CFAP20DC: variants seen among roughly 807,000 people sequenced by gnomAD.
CFAP20DC encodes protein CFAP20DC.
In CFAP20DC, 84 loss-of-function variants were observed where a neutral mutation model predicts 101.7. The ratio of observed to expected loss-of-function variants is 0.83; its 90% confidence interval spans 0.69 to 0.99. The LOEUF (loss-of-function observed/expected upper bound fraction) is 0.99. Among genes scored for constraint, CFAP20DC ranks in the 50% least tolerant of loss-of-function variants. The pLI is 0.00. For synonymous variants in CFAP20DC, 359 were observed against 351.2 expected (o/e 1.02, Z -0.25); for missense variants, 1,007 against 970.3 (o/e 1.04, Z -0.50).
chr3:58,784,965 G>C (rs2072188116), intron 15 of CFAP20DC, among the ~76,000 whole-genome samples: 1 of 152,034 alleles, frequency 6.6e-6, no homozygotes, highest in Non-Finnish European at 1.5e-5. Context: ...GTATATCAAA[G>C]GGATACCTGC....
At chr3:58,951,455 C>G (rs1016682127) in intron 4 of CFAP20DC, among the ~76,000 whole-genome samples, 1 of 152,136 alleles carries the variant, frequency 6.6e-6, no homozygotes, top group Non-Finnish European at 1.5e-5. Flanking sequence ...GACACATGCA[C>G]ACGTATGTTT....
intron 15 of CFAP20DC, among the ~76,000 whole-genome samples, chr3:58,772,792 A>T (rs944850988): frequency 6.6e-6 from 1 of 152,176 alleles, no homozygotes; most frequent in Admixed American, 6.5e-5. Context: ...AAATCCAAAA[A>T]ATTTAAAAAA....
intron 6 of CFAP20DC, among the ~76,000 whole-genome samples, chr3:58,889,457 T>G (rs1016863103): frequency 1.3e-5 from 2 of 152,012 alleles, no homozygotes; most frequent in Non-Finnish European, 2.9e-5. Flanking sequence ...ACAACCCCCA[T>G]GCAAACAGAA....
intron 14 of CFAP20DC, among the ~76,000 whole-genome samples, chr3:58,810,424 A>G (rs1575710299): frequency 6.6e-6 from 1 of 152,222 alleles, no homozygotes; most frequent in Non-Finnish European, 1.5e-5. Flanking sequence ...AATGTAATCC[A>G]GCATATAAAC....
rs1553702794 is a variant in CFAP20DC at position 58,869,679 on chromosome 3, TA to T, written c.853-190del. ...AAATGGAAGGAGAAAAATAACGAGATAAAATAGAAGACATGCAAGTCTCCTA... is the reference window on the plus strand; with the variant it reads ...AAATGGAAGGAGAAAAATAACGAGATAAATAGAAGACATGCAAGTCTCCTA... On this transcript the variant is annotated intron_variant, in intron 8 of 16. Transcript: ENST00000482387. The surrounding 1 kb of genome is among the most constrained non-coding windows in gnomAD (Gnocchi z 4.3). Among the ~76,000 whole-genome samples, 2 of 152,214 alleles carry T rather than the reference TA, an allele frequency of 1.3e-5. No homozygotes were observed. Among genetic ancestry groups the T allele is most frequent in the Non-Finnish European group, 1.5e-5 (1 of 67,990 alleles).
Position 58,806,396 on chromosome 3 carries a change from G to T in CFAP20DC, c.2236C>A (p.Arg746=). The change falls in exon 15 of 17, where the codon CGG becomes AGG. Residue 746 remains arginine (R), a splice_region_variant and synonymous_variant. Transcript: ENST00000482387. ...ATGTAGATTATTAATGATTCTTACC[G>T]GGGATTAGAAGGAGAAGGTGGGTTC... is the stretch of plus-strand genomic sequence containing the variant. ...EMNPPSPSNP[R]DWLNMLSPPI... is the part of the protein sequence containing the mutation. 1.9e-6 allele frequency: 3 copies of T among 1,584,158 alleles called. No individual in the cohort carries two copies. Among genetic ancestry groups the T allele is most frequent in the Middle Eastern group, 1.7e-4 (1 of 6,002 alleles).
At chr3:58,733,836 G>A (rs768522337) in intron 3 of CFAP20DC, among the ~76,000 whole-genome samples, 6 of 152,162 alleles carry the variant, frequency 3.9e-5, no homozygotes, top group Non-Finnish European at 5.9e-5. Flanking sequence ...ACAACTTATT[G>A]CATGAAACTA....
At chr3:58,883,780 T>C (rs897740714) in intron 7 of CFAP20DC, among the ~76,000 whole-genome samples, 14 of 152,150 alleles carry the variant, frequency 9.2e-5, no homozygotes, top group African/African-American at 2.4e-4. Context: ...CCCTGGGGCA[T>C]AGACATCAGA....
chr3:58,959,285 G>C (rs2090922645), intron 4 of CFAP20DC, among the ~76,000 whole-genome samples: 1 of 152,068 alleles, frequency 6.6e-6, no homozygotes, highest in Non-Finnish European at 1.5e-5. Flanking sequence ...GTAGGGACAG[G>C]GTTTCACCAT....
chr3:58,883,446 C>T (rs189594074), intron 7 of CFAP20DC, among the ~76,000 whole-genome samples: 7 of 152,330 alleles, frequency 4.6e-5, no homozygotes, highest in African/African-American at 1.7e-4. Flanking sequence ...AACACAGTCA[C>T]TCTGCTTATA....
chr3:58,759,330 T>C (rs931274112), intron 15 of CFAP20DC, among the ~76,000 whole-genome samples: 8 of 152,254 alleles, frequency 5.3e-5, no homozygotes, highest in Admixed American at 5.2e-4. Context: ...GCTGCATAAA[T>C]GTCTTCTTTT....
chr3:58,988,503 G>C (rs1485536219), intron 4 of CFAP20DC, among the ~76,000 whole-genome samples: 1 of 152,164 alleles, frequency 6.6e-6, no homozygotes, highest in Non-Finnish European at 1.5e-5. Flanking sequence ...GCAGAGCATT[G>C]AGATGGGAAC....
At chr3:58,764,360 G>A (rs1391420620) in intron 15 of CFAP20DC, among the ~76,000 whole-genome samples, 1 of 152,176 alleles carries the variant, frequency 6.6e-6, no homozygotes, top group Non-Finnish European at 1.5e-5. Context: ...ATCTCCTGGT[G>A]TGCCGTTTGC....
chr3:58,893,871 G>C (rs970059332), intron 6 of CFAP20DC, among the ~76,000 whole-genome samples: 1 of 151,970 alleles, frequency 6.6e-6, no homozygotes, highest in Non-Finnish European at 1.5e-5. Flanking sequence ...ATAAAAGAAA[G>C]AGGTTTAATG....
chr3:59,005,849 G>A (rs943827320), intron 4 of CFAP20DC, among the ~76,000 whole-genome samples: 18 of 152,044 alleles, frequency 1.2e-4, no homozygotes, highest in African/African-American at 4.3e-4. Flanking sequence ...TGATGAGGCT[G>A]AAAAGATATG....
chr3:58,815,670 A>C (rs1312074167), intron 14 of CFAP20DC, among the ~76,000 whole-genome samples: 2 of 151,434 alleles, frequency 1.3e-5, no homozygotes, highest in African/African-American at 2.4e-5. Context: ...AAGAAAAAAA[A>C]CAAACAACCC....
intron 4 of CFAP20DC, among the ~76,000 whole-genome samples, chr3:58,940,263 G>C (rs1178256305): frequency 1.3e-5 from 2 of 152,202 alleles, no homozygotes; most frequent in African/African-American, 2.4e-5. Flanking sequence ...TATCCTACTG[G>C]AGCCTCTATT....
At chr3:58,910,603 C>G (rs1008249941) in intron 6 of CFAP20DC, among the ~76,000 whole-genome samples, 2 of 151,898 alleles carry the variant, frequency 1.3e-5, no homozygotes, top group African/African-American at 2.4e-5. Flanking sequence ...ATTAGTTGTT[C>G]TGGCATGTGA....
intron 4 of CFAP20DC, among the ~76,000 whole-genome samples, chr3:58,948,772 C>A (rs1303593563): frequency 6.6e-6 from 1 of 152,014 alleles, no homozygotes; most frequent in Non-Finnish European, 1.5e-5. Flanking sequence ...TGTCTCTGCC[C>A]AGCTTTGGTA....
Sources: gnomAD v4.1 joint callset for allele counts (sites outside exome capture counted in the v4.1 genomes callset) on GRCh38, gnomAD v4.1.1 for gene constraint, Gnocchi (gnomAD v3.1) non-coding constraint, MANE v1.5 for transcripts, NCBI Gene and HGNC (gene_info 2026-07-23, HGNC 2026-07-21) for gene names.